CD80: variants seen among roughly 807,000 people sequenced by gnomAD.
CD80 encodes the protein CD80 molecule, also known as T-lymphocyte activation antigen CD80.
In CD80, 13 loss-of-function variants were observed where a neutral mutation model predicts 27.1. That is an observed-to-expected ratio of 0.48 (90% CI 0.31 to 0.76). The LOEUF (loss-of-function observed/expected upper bound fraction) is 0.76, where lower values mean the gene tolerates loss of function less well. CD80 is among the 30% of genes least tolerant of loss of function. The pLI is 0.04. For missense variants in CD80, 277 were observed against 347.9 expected, an observed-to-expected ratio of 0.80 and a Z score of 1.62; for synonymous variants, 125 against 125.5, an observed-to-expected ratio of 1.00 and a Z score of 0.03.
At chr3:119,551,680 AC>A (rs1350508104) in intron 2 of CD80, among the ~76,000 whole-genome samples, 1 of 152,222 alleles carries the variant, frequency 6.6e-6, no homozygotes, top group African/African-American at 2.4e-5. Context: ...CACAAACCAG[AC>A]CGAGATAACT....
intron 3 of CD80, among the ~76,000 whole-genome samples, chr3:119,541,784 C>G (rs915509546): frequency 6.6e-6 from 1 of 152,190 alleles, no homozygotes; most frequent in Non-Finnish European, 1.5e-5. Flanking sequence ...ACCTTTTTGT[C>G]TTCCCTTTAC....
intron 4 of CD80, among the ~76,000 whole-genome samples, chr3:119,536,920 C>T (rs2082142416): frequency 6.6e-6 from 1 of 152,164 alleles, no homozygotes; most frequent in South Asian, 2.1e-4. Context: ...ACATGCTGTA[C>T]AGGTGTGTAG....
chr3:119,544,942 G>C lies in CD80; in HGVS notation c.101-75C>G, dbSNP rs185402094. The C allele has an allele frequency of 1.7e-3, 2,086 of 1,212,562 alleles. 24 individuals are homozygous for C. The African/African-American group carries it at 0.026, about 15-fold the overall frequency. 75.1% of individuals were successfully genotyped at this position (1,212,562 alleles called of 1,614,324 possible). On this transcript the variant is annotated intron_variant, in intron 2 of 6. Coordinates refer to ENST00000264246, the MANE Select transcript of CD80 (RefSeq NM_005191.4). Reference sequence around the variant, plus strand: ...CCTGCATGGTCAGGAATCCAAAGTCGGCAGTAACAGAACTTAGGGTGTTGT... The same window carrying C: ...CCTGCATGGTCAGGAATCCAAAGTCCGCAGTAACAGAACTTAGGGTGTTGT...
At chr3:119,539,746 T>C (rs537522733) in intron 3 of CD80, among the ~76,000 whole-genome samples, 128 of 152,314 alleles carry the variant, frequency 8.4e-4, no homozygotes, top group African/African-American at 2.3e-3. Flanking sequence ...AATCTCCTCA[T>C]AGAGTTAGCT....
Position 119,527,858 on chromosome 3 carries a change from A to G in CD80, c.797-17T>C. 6.2e-7 allele frequency: 1 copy of G among 1,605,542 alleles called. No homozygotes were observed. Among genetic ancestry groups the G allele is most frequent in the African/African-American group, 1.3e-5 (1 of 74,852 alleles). On this transcript the variant is annotated splice_polypyrimidine_tract_variant and intron_variant, in intron 5 of 6. Transcript: ENST00000264246. ...GGGCAAAGCCTTGGAGACAAGAACA[A>G]ACAATAAAAATGATAAGTAAGTTTC...
intron 3 of CD80, among the ~76,000 whole-genome samples, chr3:119,538,851 C>T (rs2082152610): frequency 6.6e-6 from 1 of 152,146 alleles, no homozygotes. Context: ...AAACCTGTGA[C>T]CTGCCTTTTG....
chr3:119,530,743 C>T (rs1560053354), intron 4 of CD80, among the ~76,000 whole-genome samples: 2 of 152,184 alleles, frequency 1.3e-5, no homozygotes, highest in Non-Finnish European at 2.9e-5. Context: ...GGCAGGGACA[C>T]AAATTATAGC....
rs201443429 is a variant in CD80, at chr3:119,544,828, G to A, written c.140C>T (p.Thr47Met). Residue 47 changes from threonine to methionine, a missense_variant, in exon 3 of 7, where the codon ACG (threonine) becomes ATG (methionine). Physicochemically the swap from Thr to Met is moderately conservative, Grantham distance 81. Transcript: ENST00000264246. Reference sequence around the variant, plus strand: ...AGAAACATTGTGACCACAGGACAGCGTTGCCACTTCTTTCACTTCCTTGGT... The same window carrying A: ...AGAAACATTGTGACCACAGGACAGCATTGCCACTTCTTTCACTTCCTTGGT... ...HVTKEVKEVA[T>M]LSCGHNVSVE... is the part of the protein sequence containing the mutation. The A allele has an allele frequency of 1.1e-4, 178 of 1,614,114 alleles. 1 individual carries two copies. The highest frequency in any genetic ancestry group is 8.2e-4 in the Middle Eastern group (5 of 6,062).
rs147732996 is a variant in CD80 at position 119,544,518 on chromosome 3, G to A, written c.418+32C>T. The A allele has an allele frequency of 4.8e-3, 7,643 of 1,592,236 alleles. 40 individuals carry two copies. Among genetic ancestry groups the A allele is most frequent in the Non-Finnish European group, 4.7e-3 (5,430 of 1,162,822 alleles). ...TCTTTAAGGGCATTAAGAATCTGCC[G>A]GCCTAGAGTAAAATCAGAAAATCCC... On this transcript the variant is annotated intron_variant, in intron 3 of 6. Coordinates refer to ENST00000264246, the MANE Select transcript of CD80 (RefSeq NM_005191.4).
At chr3:119,544,349 C>A (rs1282107757) in intron 3 of CD80, 3 of 584,730 alleles carry the variant, frequency 5.1e-6, no homozygotes, top group Non-Finnish European at 6.1e-6. Context: ...TGTCAAAGAA[C>A]AAGAAATGCA....
intron 2 of CD80, among the ~76,000 whole-genome samples, chr3:119,547,870 A>G (rs2082209942): frequency 2.0e-5 from 3 of 152,194 alleles, no homozygotes. Flanking sequence ...CATCCAGTTC[A>G]ACACCCCACC....
chr3:119,555,143 G>GA (rs1212201401), intron 2 of CD80, among the ~76,000 whole-genome samples: 1 of 152,036 alleles, frequency 6.6e-6, no homozygotes, highest in Non-Finnish European at 1.5e-5. Context: ...TAGGTTCATC[G>GA]AAAAATTGAA....
At chr3:119,536,327 T>C (rs1011518554) in intron 4 of CD80, among the ~76,000 whole-genome samples, 1 of 152,094 alleles carries the variant, frequency 6.6e-6, no homozygotes, top group Non-Finnish European at 1.5e-5. Flanking sequence ...TTTTTAAATT[T>C]ATTTTTTAAA....
intron 3 of CD80, among the ~76,000 whole-genome samples, chr3:119,538,626 TC>T (rs1326398611): frequency 6.6e-6 from 1 of 152,192 alleles, no homozygotes; most frequent in African/African-American, 2.4e-5. Flanking sequence ...TCTGGCCTTA[TC>T]CTTTGAACAT....
At position 119,530,017 on chromosome 3, in the gene CD80, C is replaced by G. The variant is rs141117207; in HGVS notation, c.701-80G>C. 9.6e-4 allele frequency: 963 copies of G among 1,002,386 alleles called. 10 individuals carry two copies. In the East Asian group the frequency reaches 0.022, roughly 23 times the overall value. The allele number at this position is 1,002,386 out of a possible 1,614,324, so 62.1% of individuals were successfully genotyped here. A position where few individuals can be genotyped will look rare whatever the true frequency, so the allele number is the denominator to read the frequency against. On this transcript the variant is annotated intron_variant, in intron 4 of 6. Coordinates refer to ENST00000264246, the MANE Select transcript of CD80 (RefSeq NM_005191.4). Reference sequence around the variant, plus strand: ...TCATTCTGTGCCTTTTCTATTGATGCAACTGTGGAGTATTCTTTGCCTGGT... The same window carrying G: ...TCATTCTGTGCCTTTTCTATTGATGGAACTGTGGAGTATTCTTTGCCTGGT...
intron 4 of CD80, among the ~76,000 whole-genome samples, chr3:119,533,949 C>A (rs2082122964): frequency 6.6e-6 from 1 of 152,070 alleles, no homozygotes; most frequent in South Asian, 2.1e-4. Flanking sequence ...CTAAAGAATC[C>A]CCACACAGTC....
chr3:119,554,181 T>C lies in CD80; in HGVS notation c.100+3448A>G, dbSNP rs761921955. ...TGAACAGCTGTTGTCAGGGTGATGATGGCAACAATCACTGCTCATGGGACC... is the reference window on the plus strand; with the variant it reads ...TGAACAGCTGTTGTCAGGGTGATGACGGCAACAATCACTGCTCATGGGACC... On this transcript the variant is annotated intron_variant, in intron 2 of 6. Transcript: ENST00000264246. Among the ~76,000 whole-genome samples the C allele has an allele frequency of 1.1e-4, 17 of 152,252 alleles. 1 individual carries two copies. The highest frequency in any genetic ancestry group is 1.5e-5 in the Non-Finnish European group (1 of 68,040).
chr3:119,531,537 G>A (rs1478565391), intron 4 of CD80, among the ~76,000 whole-genome samples: 1 of 152,168 alleles, frequency 6.6e-6, no homozygotes, highest in African/African-American at 2.4e-5. Flanking sequence ...CCATTGAGTC[G>A]GAGGCAGGAG....
In CD80 at chr3:119,544,759, T is replaced by TTC. The variant is rs775739462; in HGVS notation, c.207_208dup (p.Lys70ArgfsTer6). 6.2e-7 allele frequency: 1 copy of TTC among 1,614,248 alleles called. No individual in the cohort carries two copies. Among genetic ancestry groups the TTC allele is most frequent in the Non-Finnish European group, 8.5e-7 (1 of 1,180,044 alleles). On this transcript the variant is annotated frameshift_variant, in exon 3 of 7. Transcript: ENST00000264246. LOFTEE classifies it high-confidence loss of function. ...AGACATCATAGTCAGCACCATTTTC[T>TTC]TCTCCTTTTGCCAGTAGATGCGAGT...
Sources: allele counts gnomAD v4.1 joint callset (sites outside exome capture counted in the v4.1 genomes callset), GRCh38; gene constraint gnomAD v4.1.1; transcripts MANE v1.5; gene names NCBI Gene and HGNC (gene_info 2026-07-23, HGNC 2026-07-21).